Variants in C8orf34 observed in about 807,000 individuals in gnomAD.
C8orf34 encodes uncharacterized protein C8orf34.
A neutral mutation model predicts 68.3 loss-of-function variants in C8orf34; 65 were observed. The observed-to-expected ratio is 0.95, with a 90% CI of 0.78 to 1.17. The LOEUF is 1.17. Ranked by LOEUF, C8orf34 falls within the 50% of genes most tolerant of loss-of-function variation. C8orf34 has a pLI of 0.00. For missense variants in C8orf34, 664 were observed against 655.4 expected (o/e 1.01, Z -0.14); for synonymous variants, 244 against 241.2 (o/e 1.01, Z -0.11).
intron 7 of C8orf34, among the ~76,000 whole-genome samples, chr8:68,577,487 A>G (rs533793044): frequency 2.6e-5 from 4 of 152,054 alleles, no homozygotes; most frequent in African/African-American, 9.6e-5. Context: ...AATTGCCAGA[A>G]TATATTTGAA....
At chr8:68,367,938 GAAAA>G (rs1807380955) in intron 1 of C8orf34, among the ~76,000 whole-genome samples, 1 of 63,594 alleles carries the variant, frequency 1.6e-5, no homozygotes, top group East Asian at 5.3e-4. Context: ...AAAAAAAAAA[GAAAA>G]AAGTACATCA....
rs543129071 is a variant in C8orf34 at position 68,615,640 on chromosome 8, C to G, written c.1106-24736C>G. Among the ~76,000 whole-genome samples the G allele has an allele frequency of 3.3e-5, 5 of 152,230 alleles. No individual in the cohort carries two copies. In the South Asian group the frequency reaches 1.0e-3, roughly 32 times the overall value. On this transcript the variant is annotated intron_variant, in intron 7 of 13. Coordinates refer to ENST00000518698, the MANE Select transcript of C8orf34 (RefSeq NM_052958.4). ...CAGTCTTGCATCCCAGGGATGAAGC[C>G]CACTTGATCATGGTGGATAAGCTTT...
intron 1 of C8orf34, among the ~76,000 whole-genome samples, chr8:68,340,866 T>G (rs529305529): frequency 6.6e-6 from 1 of 152,150 alleles, no homozygotes; most frequent in African/African-American, 2.4e-5. Context: ...ACAGATAAAA[T>G]TCATTACATT....
chr8:68,807,937 G>A (rs1824534525), intron 12 of C8orf34, among the ~76,000 whole-genome samples: 1 of 152,162 alleles, frequency 6.6e-6, no homozygotes, highest in African/African-American at 2.4e-5. Flanking sequence ...TAAAACCTAG[G>A]GAATTTATTT....
chr8:68,533,907 A>C, intron 7 of C8orf34: 1 of 894,956 alleles, frequency 1.1e-6, no homozygotes, highest in Non-Finnish European at 1.3e-6. Context: ...CTACAAATAA[A>C]GAGTATGATT....
chr8:68,710,993 C>T (rs1163043578), intron 9 of C8orf34, among the ~76,000 whole-genome samples: 1 of 152,172 alleles, frequency 6.6e-6, no homozygotes, highest in Non-Finnish European at 1.5e-5. Flanking sequence ...CATCACAGGA[C>T]TCTTTGCAGA....
rs1166515036 is a variant in C8orf34 at position 68,794,476 on chromosome 8, AATATAAATATAT to A, written c.1549+6946_1549+6957del. Among the ~76,000 whole-genome samples, 12 of 111,636 alleles carry A rather than the reference AATATAAATATAT, an allele frequency of 1.1e-4. 1 individual carries two copies. The highest frequency in any genetic ancestry group is 5.1e-4 in the South Asian group (2 of 3,910). The allele number at this position is 111,636 out of a possible 152,430, so 73.2% of individuals were successfully genotyped here. ...CATGAATCATTGTGCCCAGTATATA[AATATAAATATAT>A]ATATATATATATATATATTTTTTTT... On this transcript the variant is annotated intron_variant, in intron 12 of 13. Coordinates refer to ENST00000518698, the MANE Select transcript of C8orf34 (RefSeq NM_052958.4).
intron 3 of C8orf34, among the ~76,000 whole-genome samples, chr8:68,454,752 C>T (rs560923784): frequency 6.6e-6 from 1 of 152,064 alleles, no homozygotes; most frequent in East Asian, 1.9e-4. Context: ...TCATTGATCT[C>T]TGCTTTAACC....
At chr8:68,501,714 A>C (rs1191117491) in intron 5 of C8orf34, among the ~76,000 whole-genome samples, 4 of 152,208 alleles carry the variant, frequency 2.6e-5, no homozygotes, top group African/African-American at 9.6e-5. Flanking sequence ...ATAAACATGA[A>C]ACTCAAGATG....
chr8:68,638,204 T>A (rs1433908445), intron 7 of C8orf34, among the ~76,000 whole-genome samples: 1 of 152,164 alleles, frequency 6.6e-6, no homozygotes, highest in East Asian at 1.9e-4. Context: ...AACCAGTTTA[T>A]CTGTACCATG....
chr8:68,675,184 G>A (rs1490380525), intron 8 of C8orf34, among the ~76,000 whole-genome samples: 1 of 152,024 alleles, frequency 6.6e-6, no homozygotes, highest in Non-Finnish European at 1.5e-5. Context: ...AGAAAAAGAT[G>A]TTAATAAACA....
At chr8:68,536,214 C>G (rs1003477746) in intron 7 of C8orf34, among the ~76,000 whole-genome samples, 1 of 151,440 alleles carries the variant, frequency 6.6e-6, no homozygotes, top group Non-Finnish European at 1.5e-5. Context: ...AACCTCGTCT[C>G]TACAAAAAAT....
At chr8:68,461,995 C>A (rs1375106473) in intron 3 of C8orf34, among the ~76,000 whole-genome samples, 1 of 152,102 alleles carries the variant, frequency 6.6e-6, no homozygotes, top group Non-Finnish European at 1.5e-5. Flanking sequence ...CACAGACTAG[C>A]AAATTGGATA....
intron 1 of C8orf34, among the ~76,000 whole-genome samples, chr8:68,404,881 GT>G (rs531825167): frequency 1.3e-5 from 2 of 151,744 alleles, no homozygotes; most frequent in South Asian, 2.1e-4. Flanking sequence ...ATTTAAAGTA[GT>G]TTTTTTTCTA....
At chr8:68,485,635 C>G (rs2129631372) in intron 4 of C8orf34, among the ~76,000 whole-genome samples, 1 of 151,526 alleles carries the variant, frequency 6.6e-6, no homozygotes, top group Admixed American at 6.6e-5. Context: ...TCGTTTGAAC[C>G]CAGGAGGTGG....
intron 7 of C8orf34, among the ~76,000 whole-genome samples, chr8:68,538,510 C>G (rs1463977516): frequency 6.7e-6 from 1 of 149,642 alleles, no homozygotes; most frequent in African/African-American, 2.5e-5. Context: ...GAATATTTGA[C>G]AAAAGACAAT....
rs540019285 is a variant in C8orf34 at position 68,521,853 on chromosome 8, A to G, written c.820A>G (p.Ile274Val). Residue 274 changes from isoleucine (I) to valine (V), a missense_variant, in exon 6 of 14, where the codon ATT (isoleucine) becomes GTT (valine). Physicochemically the swap from Ile to Val is conservative, Grantham distance 29. Transcript: ENST00000518698. ...LLRPRVIGEW[I>V]GREENDADPL... ...GAGGCCCCGTGTGATTGGAGAATGGATTGGTAGAGAAGAAAATGATGCTGA... is the reference window on the plus strand; with the variant it reads ...GAGGCCCCGTGTGATTGGAGAATGGGTTGGTAGAGAAGAAAATGATGCTGA... 1 of 1,614,014 alleles carries G rather than the reference A, an allele frequency of 6.2e-7. No individual in the cohort carries two copies. Among genetic ancestry groups the G allele is most frequent in the East Asian group, 2.2e-5 (1 of 44,860 alleles).
chr8:68,544,209 C>G (rs903804693), intron 7 of C8orf34, among the ~76,000 whole-genome samples: 1 of 152,140 alleles, frequency 6.6e-6, no homozygotes, highest in African/African-American at 2.4e-5. Flanking sequence ...CCACTCAAGA[C>G]CTGAGAGAAT....
At chr8:68,618,881 A>G (rs1196749446) in intron 7 of C8orf34, among the ~76,000 whole-genome samples, 1 of 152,208 alleles carries the variant, frequency 6.6e-6, no homozygotes, top group African/African-American at 2.4e-5. Flanking sequence ...ATTTAAAATG[A>G]AATATTTTAA....
Sources: gnomAD v4.1 joint callset for allele counts (sites outside exome capture counted in the v4.1 genomes callset) on GRCh38, gnomAD v4.1.1 for gene constraint, MANE v1.5 for transcripts, NCBI Gene and HGNC (gene_info 2026-07-23, HGNC 2026-07-21) for gene names.